Variants in ZNF560 observed in about 807,000 individuals in gnomAD.
ZNF560 encodes the protein zinc finger protein 560.
In ZNF560, 54 loss-of-function variants were observed where a neutral mutation model predicts 81.8. The ratio of observed to expected loss-of-function variants is 0.66; its 90% CI spans 0.53 to 0.83. The LOEUF (loss-of-function observed/expected upper bound fraction) is 0.83, where lower values mean the gene tolerates loss of function less well. Among genes scored for constraint, ZNF560 ranks in the 40% least tolerant of loss-of-function variants. ZNF560 has a pLI of 0.00. For synonymous variants in ZNF560, 321 were observed against 317.9 expected, an observed-to-expected ratio of 1.01 and a Z score of -0.10; for missense variants, 940 against 932.4, an observed-to-expected ratio of 1.01 and a Z score of -0.11.
Position 9,466,354 on chromosome 19 carries a change from AAGAG to A in ZNF560, c.*216_*219del, listed in dbSNP as rs538986739. ...GAGTGAGACTCATCAAAAAAAAAAAAAGAGAGAGAGAAGAACTAGTGTTTTCCTA... is the reference window on the plus strand; with the variant it reads ...GAGTGAGACTCATCAAAAAAAAAAAAAGAGAGAAGAACTAGTGTTTTCCTA... On this transcript the variant is annotated 3_prime_UTR_variant, in exon 10 of 10. Transcript: ENST00000301480. 9.3e-5 allele frequency among the ~76,000 whole-genome samples: 14 copies of A among 149,964 alleles called. No individual in the cohort carries two copies. The highest frequency in any genetic ancestry group is 2.0e-4 in the African/African-American group (8 of 40,460).
intron 2 of ZNF560, among the ~76,000 whole-genome samples, chr19:9,480,912 C>A (rs2073277699): frequency 6.6e-6 from 1 of 151,758 alleles, no homozygotes; most frequent in Non-Finnish European, 1.5e-5. Context: ...ACAGTAAAAC[C>A]CTCTCTACAA....
At chr19:9,478,427 AG>A (rs1341274365) in intron 2 of ZNF560, among the ~76,000 whole-genome samples, 6 of 152,232 alleles carry the variant, frequency 3.9e-5, no homozygotes, top group African/African-American at 1.4e-4. Flanking sequence ...GCTTAAAAAA[AG>A]GACACTAATT....
chr19:9,481,543 C>T (rs142764159), intron 2 of ZNF560, among the ~76,000 whole-genome samples: 9 of 152,196 alleles, frequency 5.9e-5, no homozygotes, highest in Admixed American at 5.2e-4. Flanking sequence ...GGCTAATATC[C>T]AGAATCTACA....
chr19:9,458,126 A>C, the ZNF560 span, among the ~76,000 whole-genome samples: 1 of 152,192 alleles, frequency 6.6e-6, no homozygotes, highest in African/African-American at 2.4e-5. Flanking sequence ...CGGATTGTTA[A>C]ATTACACGGA....
At chr19:9,459,676 G>C in the ZNF560 span, among the ~76,000 whole-genome samples, 3 of 152,208 alleles carry the variant, frequency 2.0e-5, no homozygotes, top group Admixed American at 2.0e-4. Flanking sequence ...GTGAGGACGT[G>C]TGGACATGGG....
At chr19:9,448,028 C>T in the ZNF560 span, among the ~76,000 whole-genome samples, 1 of 152,120 alleles carries the variant, frequency 6.6e-6, no homozygotes, top group African/African-American at 2.4e-5. Context: ...AGGAGAAACC[C>T]TACAAGCCAG....
At chr19:9,461,966 G>A (rs1216958570), downstream of ZNF560, among the ~76,000 whole-genome samples, 3 of 152,160 alleles carry the variant, frequency 2.0e-5, no homozygotes, top group African/African-American at 7.2e-5. Context: ...AAAACACTTG[G>A]AGGCTCTGTG....
Position 9,467,017 on chromosome 19 carries a change from C to T in ZNF560, c.1930G>A (p.Val644Ile). The change falls in exon 10 of 10, where the codon GTT becomes ATT. Residue 644 changes from valine (V) to isoleucine (I), a missense_variant. By Grantham distance (29) the Val-to-Ile change is conservative. Transcript: ENST00000301480. ...CCAGTGTGAGTTCTTAAATGATCAA[C>T]TAGACTGGAGGAGACAACAAAGGCT... The part of the protein sequence containing the change: ...GKAFVVSSSL[V>I]DHLRTHTGYK... The T allele has an allele frequency of 6.2e-7, 1 of 1,612,570 alleles. No homozygotes were observed. The highest frequency in any genetic ancestry group is 8.5e-7 in the Non-Finnish European group (1 of 1,179,596).
intron 2 of ZNF560, among the ~76,000 whole-genome samples, chr19:9,483,073 C>A (rs1234093813): frequency 6.6e-6 from 1 of 152,094 alleles, no homozygotes; most frequent in Non-Finnish European, 1.5e-5. Context: ...GCAGCCTCTG[C>A]CCGGCCGCCA....
At chr19:9,472,740 G>T (rs1200074854) in intron 5 of ZNF560, among the ~76,000 whole-genome samples, 2 of 152,150 alleles carry the variant, frequency 1.3e-5, no homozygotes, top group African/African-American at 4.8e-5. Flanking sequence ...ATATTACAAT[G>T]TAATAATAGT....
chr19:9,483,486 G>T lies in ZNF560; in HGVS notation c.-56-8117C>A, dbSNP rs570322433. Among the ~76,000 whole-genome samples the T allele has an allele frequency of 1.9e-4, 29 of 150,664 alleles. 2 individuals carry two copies. The highest frequency in any genetic ancestry group is 6.8e-4 in the African/African-American group (28 of 41,086). ...GCCTGGCAGCTGCCCTGTCCAGGAG[G>T]TGGGGGGTCAGCCCCCGCCCGGCCA... On this transcript the variant is annotated intron_variant, in intron 2 of 9. Coordinates refer to ENST00000301480, the MANE Select transcript of ZNF560 (RefSeq NM_152476.3).
At chr19:9,463,688 GGTTTT>G (rs1274731389), downstream of ZNF560, among the ~76,000 whole-genome samples, 4 of 152,004 alleles carry the variant, frequency 2.6e-5, no homozygotes, top group South Asian at 2.1e-4. Flanking sequence ...CAGTTTTTTT[GGTTTT>G]GTTTTGTTTT....
At chr19:9,490,942 A>T (rs1473140687) in intron 2 of ZNF560, among the ~76,000 whole-genome samples, 1 of 152,164 alleles carries the variant, frequency 6.6e-6, no homozygotes, top group Non-Finnish European at 1.5e-5. Flanking sequence ...TTTCCACCGA[A>T]ATAGTCTTCA....
chr19:9,466,698 C>A lies in ZNF560; in HGVS notation c.2249G>T (p.Arg750Leu), dbSNP rs369977723. The change falls in exon 10 of 10, where the codon CGT becomes CTT. Residue 750 changes from arginine (R) to leucine (L), a missense_variant. By Grantham distance (102) the Arg-to-Leu change is moderately radical (BLOSUM62 -2). Coordinates refer to ENST00000301480, the MANE Select transcript of ZNF560 (RefSeq NM_152476.3). ...YKCKECGKAFRTSSGRIQHLR... is the reference protein window; with the variant it reads ...YKCKECGKAFLTSSGRIQHLR... ...ATGTTGAATACGTCCTGAGGATGTA[C>A]GGAAGGCCTTCCCACATTCCTTACA... 13 of 1,613,880 alleles carry A rather than the reference C, an allele frequency of 8.1e-6. No individual in the cohort carries two copies. The highest frequency in any genetic ancestry group is 1.0e-5 in the Non-Finnish European group (12 of 1,179,962).
upstream of ZNF560, among the ~76,000 whole-genome samples, chr19:9,502,365 C>A (rs2073640126): frequency 6.6e-6 from 1 of 151,854 alleles, no homozygotes; most frequent in Admixed American, 6.6e-5. Context: ...GTGCATACCA[C>A]CACGCCCAGC....
chr19:9,458,142 T>G, the ZNF560 span, among the ~76,000 whole-genome samples: 2 of 152,220 alleles, frequency 1.3e-5, no homozygotes, highest in Non-Finnish European at 2.9e-5. Flanking sequence ...ACGGATATGA[T>G]CCTGGAAAAA....
rs147742777 is a variant in ZNF560, at chr19:9,468,333, G to A, written c.614C>T (p.Ala205Val). The change falls in exon 10 of 10, where the codon GCA (alanine) becomes GTA (valine). Residue 205 changes from alanine (A) to valine (V), a missense_variant and splice_region_variant. Physicochemically the swap from Ala to Val is moderately conservative, Grantham distance 64. Coordinates refer to ENST00000301480, the MANE Select transcript of ZNF560 (RefSeq NM_152476.3). ...CLKTLNGIQL[A>V]RNQNGEELYD... ...GAGTTCCTCTCCATTTTGGTTTCTT[G>A]CCTGTTAACACAGGAATGAACAATA... 54 of 1,584,320 alleles carry A rather than the reference G, an allele frequency of 3.4e-5. 1 individual carries two copies. The African/African-American group carries it at 5.8e-4, about 17-fold the overall frequency.
intron 2 of ZNF560, among the ~76,000 whole-genome samples, chr19:9,478,757 A>C (rs1035635555): frequency 3.3e-5 from 5 of 152,180 alleles, no homozygotes; most frequent in African/African-American, 1.2e-4. Context: ...CAAAGCAAAA[A>C]TGTATAGCCA....
chr19:9,497,961 C>G (rs999681075), intron 2 of ZNF560, among the ~76,000 whole-genome samples, 167 bp downstream of exon 2: 3 of 152,110 alleles, frequency 2.0e-5, no homozygotes, highest in Non-Finnish European at 4.4e-5. Flanking sequence ...TGCAGAAATA[C>G]GCACACCCTA....
Sources: allele counts gnomAD v4.1 joint callset (sites outside exome capture counted in the v4.1 genomes callset), GRCh38; gene constraint gnomAD v4.1.1; transcripts MANE v1.5; gene names NCBI Gene and HGNC (gene_info 2026-07-23, HGNC 2026-07-21).